The following CTNNA3 variants were observed in gnomAD, a reference collection of about 807,000 sequenced individuals.
CTNNA3 encodes the protein catenin alpha-3.
CTNNA3 carries 76 observed loss-of-function variants against 95.7 expected under a neutral mutation model. The ratio of observed to expected loss-of-function variants is 0.79; its 90% CI spans 0.66 to 0.96. CTNNA3 has a LOEUF of 0.96. Ranked by LOEUF, CTNNA3 falls within the 40% of genes least tolerant of loss-of-function variation. The pLI is 0.00. For synonymous variants in CTNNA3, 431 were observed against 374.4 expected, an observed-to-expected ratio of 1.15 and a Z score of -1.74; for missense variants, 1,191 against 1,089.8, an observed-to-expected ratio of 1.09 and a Z score of -1.31.
intron 9 of CTNNA3, among the ~76,000 whole-genome samples, chr10:66,649,857 A>C (rs1296250100): frequency 6.6e-6 from 1 of 152,174 alleles, no homozygotes; most frequent in African/African-American, 2.4e-5. Context: ...GACACAGGCC[A>C]GCACCTTGGG....
At chr10:67,654,600 C>T (rs1242527913) in intron 1 of CTNNA3, among the ~76,000 whole-genome samples, 3 of 152,004 alleles carry the variant, frequency 2.0e-5, no homozygotes, top group Non-Finnish European at 4.4e-5. Flanking sequence ...GCAATCCTCC[C>T]ACTCAGCCTC....
At chr10:66,277,682 G>C (rs951572878) in intron 13 of CTNNA3, among the ~76,000 whole-genome samples, 1 of 151,958 alleles carries the variant, frequency 6.6e-6, no homozygotes, top group Non-Finnish European at 1.5e-5. Context: ...TCGTGTAGAG[G>C]TTCCCCTAGA....
At chr10:66,924,866 C>T (rs1381468648) in intron 7 of CTNNA3, among the ~76,000 whole-genome samples, 3 of 152,062 alleles carry the variant, frequency 2.0e-5, no homozygotes, top group South Asian at 2.1e-4. Flanking sequence ...AGGTAAGTAA[C>T]GCGCTTAAGG....
At chr10:67,038,898 C>A (rs1439459601) in intron 7 of CTNNA3, among the ~76,000 whole-genome samples, 4 of 151,814 alleles carry the variant, frequency 2.6e-5, no homozygotes, top group Admixed American at 6.6e-5. Flanking sequence ...TAGAAAGGAA[C>A]AAATTAACTA....
At chr10:66,351,945 C>A (rs1159591318) in intron 12 of CTNNA3, among the ~76,000 whole-genome samples, 1 of 151,842 alleles carries the variant, frequency 6.6e-6, no homozygotes, top group African/African-American at 2.4e-5. Flanking sequence ...TGCATCCAAA[C>A]TTTAATTTTA....
At chr10:66,766,071 T>A (rs534282672) in intron 9 of CTNNA3, 193 bp downstream of exon 9, 1 of 456,276 alleles carries the variant, frequency 2.2e-6, no homozygotes, top group Non-Finnish European at 3.9e-6. Context: ...AATATGTGTT[T>A]AAAAAATAAG....
intron 1 of CTNNA3, among the ~76,000 whole-genome samples, chr10:67,716,705 T>C (rs1841145773): frequency 6.6e-6 from 1 of 152,244 alleles, no homozygotes; most frequent in Admixed American, 6.5e-5. Context: ...CCACATTTTC[T>C]TTATCCAGTC....
At position 65,938,990 on chromosome 10, in the gene CTNNA3, C is replaced by T. The variant is rs2077386291; in HGVS notation, c.2401-18373G>A. On this transcript the variant is annotated intron_variant, in intron 17 of 17. Transcript: ENST00000433211. Reference sequence around the variant, plus strand: ...CGATCTCGGCTCACTGCAAGCTCCGCCTCCCGGGTTCACGCCATTCTCCTG... The same window carrying T: ...CGATCTCGGCTCACTGCAAGCTCCGTCTCCCGGGTTCACGCCATTCTCCTG... 2.6e-5 allele frequency among the ~76,000 whole-genome samples: 4 copies of T among 152,060 alleles called. No individual in the cohort carries two copies. The South Asian group carries it at 8.3e-4, about 32-fold the overall frequency.
chr10:66,124,804 A>G (rs1202032088), intron 13 of CTNNA3, among the ~76,000 whole-genome samples: 1 of 152,144 alleles, frequency 6.6e-6, no homozygotes, highest in Non-Finnish European at 1.5e-5. Flanking sequence ...CTCATTCACT[A>G]TCACAAGAAC....
chr10:66,047,335 C>A (rs1028333692), intron 15 of CTNNA3, among the ~76,000 whole-genome samples: 2 of 151,858 alleles, frequency 1.3e-5, no homozygotes, highest in African/African-American at 4.8e-5. Flanking sequence ...ACACACAAAT[C>A]AATAAATGTG....
intron 7 of CTNNA3, among the ~76,000 whole-genome samples, chr10:67,153,493 A>C (rs1424058652): frequency 6.6e-6 from 1 of 152,222 alleles, no homozygotes; most frequent in Non-Finnish European, 1.5e-5. Context: ...TTTTCAGATA[A>C]GAAACTGGAA....
chr10:67,606,083 C>T (rs1388294736), intron 3 of CTNNA3, among the ~76,000 whole-genome samples: 2 of 152,074 alleles, frequency 1.3e-5, no homozygotes, highest in African/African-American at 2.4e-5. Flanking sequence ...CTTAAAGTTA[C>T]GTTGGGGGAT....
chr10:66,054,188 T>C (rs1346254803), intron 15 of CTNNA3, among the ~76,000 whole-genome samples: 2 of 152,278 alleles, frequency 1.3e-5, no homozygotes, highest in Admixed American at 1.3e-4. Context: ...GCAATAAAAG[T>C]GGGAGTGCAA....
chr10:67,439,205 C>G (rs1453754939), intron 5 of CTNNA3, among the ~76,000 whole-genome samples: 1 of 152,084 alleles, frequency 6.6e-6, no homozygotes, highest in East Asian at 1.9e-4. Flanking sequence ...TACCAGCTCA[C>G]CCACAACAGG....
chr10:66,237,995 T>C (rs2089938647), intron 13 of CTNNA3, among the ~76,000 whole-genome samples: 1 of 152,062 alleles, frequency 6.6e-6, no homozygotes, highest in Admixed American at 6.6e-5. Context: ...TAAATTGTCA[T>C]AGAAACTATG....
intron 7 of CTNNA3, among the ~76,000 whole-genome samples, chr10:67,037,334 T>C (rs1268935817): frequency 6.7e-6 from 1 of 149,918 alleles, no homozygotes; most frequent in Non-Finnish European, 1.5e-5. Context: ...CAGCAGTTAC[T>C]ATGTGGCAAC....
At chr10:66,570,279 G>GTTTTT (rs778625823) in intron 10 of CTNNA3, among the ~76,000 whole-genome samples, 2 of 138,728 alleles carry the variant, frequency 1.4e-5, no homozygotes, top group African/African-American at 3.2e-5. Flanking sequence ...AATATGATTT[G>GTTTTT]TTTTGTTTTG....
At chr10:66,653,439 T>C (rs1046053605) in intron 9 of CTNNA3, among the ~76,000 whole-genome samples, 1 of 152,018 alleles carries the variant, frequency 6.6e-6, no homozygotes, top group Non-Finnish European at 1.5e-5. Flanking sequence ...CTCTGATACA[T>C]TGATAAAAGA....
intron 13 of CTNNA3, among the ~76,000 whole-genome samples, chr10:66,272,490 G>A (rs1425856566): frequency 6.6e-6 from 1 of 152,122 alleles, no homozygotes; most frequent in Non-Finnish European, 1.5e-5. Flanking sequence ...GTTCCCTGGG[G>A]TTAGAAAAAC....
Sources: allele counts gnomAD v4.1 joint callset (sites outside exome capture counted in the v4.1 genomes callset), GRCh38; gene constraint gnomAD v4.1.1; transcripts MANE v1.5; gene names NCBI Gene and HGNC (gene_info 2026-07-23, HGNC 2026-07-21).